HECW1: variants seen among roughly 807,000 people sequenced by gnomAD.
The protein encoded by HECW1 is E3 ubiquitin-protein ligase HECW1.
HECW1 carries 61 observed loss-of-function variants against 182.3 expected under a neutral mutation model. That is an observed-to-expected ratio of 0.33 (90% CI 0.27 to 0.41). The LOEUF (loss-of-function observed/expected upper bound fraction) is 0.41. Among genes scored for constraint, HECW1 ranks in the 10% least tolerant of loss-of-function variants. HECW1 has a pLI of 1.00. For missense variants in HECW1, 1,739 were observed against 2,108.9 expected (o/e 0.82, Z 3.44); for synonymous variants, 859 against 832.6 (o/e 1.03, Z -0.55).
intron 3 of HECW1, among the ~76,000 whole-genome samples, chr7:43,277,689 A>G (rs567551395): frequency 6.6e-6 from 1 of 151,984 alleles, no homozygotes; most frequent in East Asian, 1.9e-4. Context: ...TTTACCACAC[A>G]TTGTCTTCTC....
intron 13 of HECW1, among the ~76,000 whole-genome samples, chr7:43,459,768 C>A (rs1474264251): frequency 6.6e-6 from 1 of 152,186 alleles, no homozygotes; most frequent in Admixed American, 6.5e-5. Flanking sequence ...GAACCCCTGG[C>A]TTCAGGTCAT....
chr7:43,185,177 G>C (rs1170156113), intron 2 of HECW1, among the ~76,000 whole-genome samples: 1 of 152,124 alleles, frequency 6.6e-6, no homozygotes, highest in Non-Finnish European at 1.5e-5. Context: ...CTGGCTTCCT[G>C]ATGGCTGAAC....
chr7:43,270,836 T>C (rs545079165), intron 3 of HECW1, among the ~76,000 whole-genome samples: 20 of 152,368 alleles, frequency 1.3e-4, no homozygotes, highest in Non-Finnish European at 2.8e-4. Flanking sequence ...ACACCAGTGA[T>C]ATCAAATTGG....
chr7:43,528,131 A>T (rs530090189), intron 24 of HECW1, among the ~76,000 whole-genome samples: 8 of 152,342 alleles, frequency 5.3e-5, no homozygotes, highest in Non-Finnish European at 1.2e-4. Flanking sequence ...CTGGATAACT[A>T]AATGCACATC....
At chr7:43,209,878 C>T (rs1432435373) in intron 2 of HECW1, among the ~76,000 whole-genome samples, 1 of 152,148 alleles carries the variant, frequency 6.6e-6, no homozygotes, top group African/African-American at 2.4e-5. Context: ...TTGGCGTTCA[C>T]CCCGAGGTCA....
chr7:43,245,157 C>T (rs544339712), intron 3 of HECW1, among the ~76,000 whole-genome samples: 1 of 152,348 alleles, frequency 6.6e-6, no homozygotes, highest in South Asian at 2.1e-4. Flanking sequence ...CACTTAAATT[C>T]CCCTTTATCT....
At chr7:43,230,247 A>T (rs950210237) in intron 2 of HECW1, among the ~76,000 whole-genome samples, 1 of 152,178 alleles carries the variant, frequency 6.6e-6, no homozygotes, top group African/African-American at 2.4e-5. Context: ...ACAAAAAATT[A>T]GCTGGGCATG....
At chr7:43,346,977 TCTTTTCTGGTTCC>T (rs2152803812) in intron 5 of HECW1, among the ~76,000 whole-genome samples, 2 of 152,350 alleles carry the variant, frequency 1.3e-5, no homozygotes, top group East Asian at 3.9e-4. Context: ...CTATGTGGGC[TCTTTTCTGGTTCC>T]ATATGAATTT....
In HECW1 at chr7:43,436,919, C is replaced by T. The variant is rs1386124450; in HGVS notation, c.802-1084C>T. ...TCACTCTGTCACCCAGGCTGGAGTC[C>T]AGTAGTGCAATCTCAGCTCACTGCA... On this transcript the variant is annotated intron_variant, in intron 8 of 29. Coordinates refer to ENST00000395891, the MANE Select transcript of HECW1 (RefSeq NM_015052.5). Among the ~76,000 whole-genome samples, 4 of 152,228 alleles carry T rather than the reference C, an allele frequency of 2.6e-5. 1 individual carries two copies. In the East Asian group the frequency reaches 5.8e-4, roughly 22 times the overall value.
intron 4 of HECW1, among the ~76,000 whole-genome samples, chr7:43,314,610 C>G (rs1330464596): frequency 1.3e-5 from 2 of 152,142 alleles, no homozygotes; most frequent in Non-Finnish European, 2.9e-5. Context: ...TTGACTGAGA[C>G]AAAAGTAACC....
intron 2 of HECW1, chr7:43,119,156 A>C (rs112005474): frequency 0.012 from 1,754 of 152,282 alleles, 26 homozygotes; most frequent in East Asian, 0.029. Context: ...TGTTTCTGCC[A>C]CCTCTCACCT....
In HECW1 at chr7:43,564,739, A is replaced by AT. The variant is rs2082290615; in HGVS notation, c.*2818dup. 1.1e-5 allele frequency: 2 copies of AT among 179,700 alleles called. No homozygotes were observed. Among genetic ancestry groups the AT allele is most frequent in the Admixed American group, 1.3e-4 (2 of 15,882 alleles). 11.1% of individuals were successfully genotyped at this position (179,700 alleles called of 1,614,324 possible). A position where few individuals can be genotyped will look rare whatever the true frequency, so the allele number is the denominator to read the frequency against. ...CATGTTTACCTTATTTATAAGGCTGATTTTTAAATTATATATAATTTTTCA... is the reference window on the plus strand; with the variant it reads ...CATGTTTACCTTATTTATAAGGCTGATTTTTTAAATTATATATAATTTTTCA... On this transcript the variant is annotated 3_prime_UTR_variant, in exon 30 of 30. Coordinates refer to ENST00000395891, the MANE Select transcript of HECW1 (RefSeq NM_015052.5).
chr7:43,215,146 C>T (rs1796330167), intron 2 of HECW1, among the ~76,000 whole-genome samples: 1 of 152,250 alleles, frequency 6.6e-6, no homozygotes, highest in Non-Finnish European at 1.5e-5. Context: ...CTAACAATAG[C>T]AGCTAAACTA....
In HECW1 at chr7:43,243,857, C is replaced by T. The variant is rs773508325; in HGVS notation, c.-31-18C>T. The T allele has an allele frequency of 1.4e-5, 23 of 1,602,746 alleles. No individual in the cohort carries two copies. The highest frequency in any genetic ancestry group is 1.1e-4 in the East Asian group (5 of 44,826). ...CTTGGGATACACGCTAAGTTAACCTCGTTGGACTTTTCCCCAGGAATTGAT... is the reference window on the plus strand; with the variant it reads ...CTTGGGATACACGCTAAGTTAACCTTGTTGGACTTTTCCCCAGGAATTGAT... On this transcript the variant is annotated intron_variant, in intron 2 of 29. Coordinates refer to ENST00000395891, the MANE Select transcript of HECW1 (RefSeq NM_015052.5). This position sits in a 1 kb window ranked among gnomAD's most constrained non-coding sequence, Gnocchi z 4.0.
chr7:43,137,153 G>C (rs1562585017), intron 2 of HECW1, among the ~76,000 whole-genome samples: 2 of 152,114 alleles, frequency 1.3e-5, no homozygotes, highest in Admixed American at 1.3e-4. Context: ...AGTGTGTGGG[G>C]TGGGTTCAAT....
intron 2 of HECW1, among the ~76,000 whole-genome samples, chr7:43,116,382 C>T (rs1348281282): frequency 2.0e-5 from 3 of 152,174 alleles, no homozygotes; most frequent in African/African-American, 7.2e-5. Context: ...ACCCTTCTGC[C>T]CACTTTCTCT....
At chr7:43,168,025 A>G (rs976852604) in intron 2 of HECW1, among the ~76,000 whole-genome samples, 2 of 152,148 alleles carry the variant, frequency 1.3e-5, no homozygotes, top group Non-Finnish European at 2.9e-5. Context: ...TATTCCTCCC[A>G]TCTCTAAATC....
At chr7:43,461,786 AG>A (rs1411443806) in intron 13 of HECW1, among the ~76,000 whole-genome samples, 4 of 152,238 alleles carry the variant, frequency 2.6e-5, no homozygotes, top group Non-Finnish European at 5.9e-5. Flanking sequence ...AGGCCGGCTC[AG>A]GAAATGCCTT....
At chr7:43,407,125 G>A (rs373913882) in intron 7 of HECW1, among the ~76,000 whole-genome samples, 2 of 152,008 alleles carry the variant, frequency 1.3e-5, no homozygotes, top group Admixed American at 6.6e-5. Context: ...TGGCAGCAGG[G>A]TTTCTCAGAA....
Sources: gnomAD v4.1 joint callset for allele counts (sites outside exome capture counted in the v4.1 genomes callset) on GRCh38, gnomAD v4.1.1 for gene constraint, Gnocchi (gnomAD v3.1) non-coding constraint, MANE v1.5 for transcripts, NCBI Gene and HGNC (gene_info 2026-07-23, HGNC 2026-07-21) for gene names.